SSH2: variants seen among roughly 807,000 people sequenced by gnomAD.
SSH2 encodes slingshot protein phosphatase 2, also known as protein phosphatase Slingshot homolog 2.
A neutral mutation model predicts 135.2 loss-of-function variants in SSH2; 37 were observed. The observed-to-expected ratio is 0.27, with a 90% confidence interval of 0.21 to 0.36. The LOEUF is 0.36. SSH2 is among the 10% of genes least tolerant of loss of function. The pLI, the probability that SSH2 is intolerant of heterozygous loss-of-function variation, is 1.00. For missense variants in SSH2, 1,408 were observed against 1,765.3 expected, an observed-to-expected ratio of 0.80 and a Z score of 3.63; for synonymous variants, 628 against 646.2, an observed-to-expected ratio of 0.97 and a Z score of 0.43.
chr17:29,640,976 G>T lies in SSH2; in HGVS notation c.1428-4174C>A, dbSNP rs374097336. Among the ~76,000 whole-genome samples the T allele has an allele frequency of 4.6e-5, 7 of 152,110 alleles. No individual in the cohort carries two copies. The East Asian group carries it at 1.2e-3, about 25-fold the overall frequency. ...AAAGGTAATCCACAGAGTGTAATGA[G>T]TATGCCACAATTTATTTCCCTTCTG... On this transcript the variant is annotated intron_variant, in intron 14 of 15. Coordinates refer to ENST00000540801, the MANE Select transcript of SSH2 (RefSeq NM_001282129.2).
chr17:29,706,344 T>C (rs2039197917), intron 3 of SSH2, among the ~76,000 whole-genome samples: 1 of 152,092 alleles, frequency 6.6e-6, no homozygotes, highest in African/African-American at 2.4e-5. Flanking sequence ...AAACACACCT[T>C]CTAAAAACAA....
At chr17:29,863,742 C>CT (rs11431276) in intron 1 of SSH2, 140,592 of 152,236 alleles carry the variant, frequency 0.92, 65,031 homozygotes, top group African/African-American at 0.98. Flanking sequence ...TATTCTGGTA[C>CT]TTCAAAAGAA....
intron 13 of SSH2, 30 bp from the exon 14 acceptor site, chr17:29,648,374 A>T (rs2099343770): frequency 6.4e-7 from 1 of 1,551,512 alleles, no homozygotes; most frequent in African/African-American, 1.4e-5. Context: ...TAAAGAATAG[A>T]GGAAAATACA....
Position 29,636,718 on chromosome 17 carries a change from T to C in SSH2, c.1512A>G (p.Leu504=). Residue 504 remains leucine (L), a synonymous_variant, in exon 15 of 16, where the codon CTA becomes CTG. Coordinates refer to ENST00000540801, the MANE Select transcript of SSH2 (RefSeq NM_001282129.2). ...TGGTGATATCCTTCTTGTTGAGTTCTAGCCCAGGTTTGCAGATGGGTTCGT... is the reference window on the plus strand; with the variant it reads ...TGGTGATATCCTTCTTGTTGAGTTCCAGCCCAGGTTTGCAGATGGGTTCGT... The part of the protein sequence containing the change: ...DHHEPICKPG[L]ELNKKDITTS... The C allele has an allele frequency of 3.7e-6, 6 of 1,614,184 alleles. No homozygotes were observed. The highest frequency in any genetic ancestry group is 1.3e-5 in the African/African-American group (1 of 75,038).
chr17:29,741,484 T>C (rs1376421261), intron 3 of SSH2, among the ~76,000 whole-genome samples: 3 of 152,128 alleles, frequency 2.0e-5, no homozygotes, highest in East Asian at 1.9e-4. Context: ...ATCAGTCTTA[T>C]GGAAAACAAA....
chr17:29,662,031 C>A (rs922086009), intron 11 of SSH2, among the ~76,000 whole-genome samples: 5 of 152,292 alleles, frequency 3.3e-5, no homozygotes, highest in African/African-American at 9.6e-5. Context: ...ATTTCCCCCC[C>A]GCCCATGCTT....
chr17:29,713,695 A>G (rs2039520936), intron 3 of SSH2, among the ~76,000 whole-genome samples: 1 of 152,170 alleles, frequency 6.6e-6, no homozygotes, highest in Non-Finnish European at 1.5e-5. Context: ...TCTTGGACTT[A>G]TACCAAGCAG....
chr17:29,829,717 A>C (rs1019301161), intron 2 of SSH2, among the ~76,000 whole-genome samples: 1 of 152,110 alleles, frequency 6.6e-6, no homozygotes, highest in Non-Finnish European at 1.5e-5. Context: ...AGTTGTGCTC[A>C]TATAGAAGCC....
chr17:29,742,551 C>G (rs369241554), intron 3 of SSH2, among the ~76,000 whole-genome samples: 1 of 129,836 alleles, frequency 7.7e-6, no homozygotes, highest in Non-Finnish European at 1.6e-5. Flanking sequence ...CCAGGCTGGT[C>G]TTGAACTCTT....
chr17:29,762,188 T>A (rs886769212), intron 3 of SSH2, among the ~76,000 whole-genome samples: 1 of 152,132 alleles, frequency 6.6e-6, no homozygotes, highest in Non-Finnish European at 1.5e-5. Flanking sequence ...GCAAGATTTT[T>A]TTTTTTTAAA....
At chr17:29,720,757 G>A (rs2039796053) in intron 3 of SSH2, among the ~76,000 whole-genome samples, 1 of 151,938 alleles carries the variant, frequency 6.6e-6, no homozygotes, top group Non-Finnish European at 1.5e-5. Flanking sequence ...GATGGAGGAG[G>A]AGGAACAGGA....
At chr17:29,690,723 A>G (rs2038432171) in intron 5 of SSH2, among the ~76,000 whole-genome samples, 1 of 152,188 alleles carries the variant, frequency 6.6e-6, no homozygotes, top group Non-Finnish European at 1.5e-5. Context: ...GAAGTCTCTG[A>G]ATTTTTTTTT....
intron 3 of SSH2, among the ~76,000 whole-genome samples, chr17:29,757,267 T>C (rs2041158680): frequency 2.6e-5 from 4 of 152,202 alleles, no homozygotes; most frequent in Admixed American, 1.3e-4. Context: ...TTAATCTTTT[T>C]TGAGATCACA....
intron 1 of SSH2, among the ~76,000 whole-genome samples, chr17:29,884,603 C>T (rs1446198776): frequency 1.3e-5 from 2 of 152,136 alleles, no homozygotes; most frequent in Non-Finnish European, 1.5e-5. Context: ...TCAGCTGGTC[C>T]GCAACTGAAC....
chr17:29,790,010 A>G (rs1199718466), intron 3 of SSH2, among the ~76,000 whole-genome samples: 3 of 152,156 alleles, frequency 2.0e-5, no homozygotes, highest in Non-Finnish European at 2.9e-5. Context: ...TCTTACTTGT[A>G]TCTGATTTAG....
Position 29,631,899 on chromosome 17 carries a change from G to T in SSH2, c.3295C>A (p.His1099Asn). ...TGAGGCAGAGGTAGCACTTGGGGGT[G>T]CAGAGAAACCTGGTTGGGGTCCAGA... ...RTLDPNQVSLHPQVLPLPHSS... is the reference protein window; with the variant it reads ...RTLDPNQVSLNPQVLPLPHSS... Residue 1099 changes from histidine to asparagine, a missense_variant, in exon 16 of 16, where the codon CAC becomes AAC. His to Asn is a moderately conservative substitution (Grantham distance 68, BLOSUM62 1). Around this residue, in one of 3 missense-constraint regions of SSH2, gnomAD observed 1,080 missense variants for 1,144.5 expected, o/e 0.94. Transcript: ENST00000540801. The T allele has an allele frequency of 1.2e-6, 2 of 1,614,228 alleles. No homozygotes were observed. The highest frequency in any genetic ancestry group is 1.1e-5 in the South Asian group (1 of 91,088).
Position 29,929,944 on chromosome 17 carries a change from G to A in SSH2, c.57C>T (p.Cys19=), listed in dbSNP as rs766328918. 1.9e-6 allele frequency: 3 copies of A among 1,600,702 alleles called. No individual in the cohort carries two copies. Among genetic ancestry groups the A allele is most frequent in the Non-Finnish European group, 2.6e-6 (3 of 1,174,218 alleles). Residue 19 remains cysteine (C), a synonymous_variant, in exon 1 of 16, where the codon TGC becomes TGT. Transcript: ENST00000540801. ...GCCGCCAGGAAGGACTCACCGAGGC[G>A]CAGGGGCTGGAGGTGGTGCTGGGGG... ...SPTPSTTSSP[C]ASSSHLEDSE...
Position 29,631,329 on chromosome 17 carries a change from T to C in SSH2, c.3865A>G (p.Lys1289Glu). 3.1e-6 allele frequency: 5 copies of C among 1,614,146 alleles called. No homozygotes were observed. Among genetic ancestry groups the C allele is most frequent in the Non-Finnish European group, 4.2e-6 (5 of 1,180,026 alleles). The change falls in exon 16 of 16, where the codon AAA becomes GAA. Residue 1289 changes from lysine (K) to glutamate (E), a missense_variant. By Grantham distance (56) the Lys-to-Glu change is moderately conservative. Transcript: ENST00000540801. ...TTACAGAGGTCCAAGTAACCTAATT[T>C]GGCGAGAGAAGCTGAGCGCCTCATT... ...SQMRRSASLAKLGYLDLCKDC... is the reference protein window; with the variant it reads ...SQMRRSASLAELGYLDLCKDC...
chr17:29,665,199 A>G (rs1001337322), intron 11 of SSH2, among the ~76,000 whole-genome samples: 1 of 152,222 alleles, frequency 6.6e-6, no homozygotes, highest in East Asian at 1.9e-4. Flanking sequence ...TTGTGGAAGT[A>G]TATGTAAGAG....
Sources: allele counts gnomAD v4.1 joint callset (sites outside exome capture counted in the v4.1 genomes callset), GRCh38; gene constraint gnomAD v4.1.1; regional missense constraint gnomAD v4.1.1; transcripts MANE v1.5; gene names NCBI Gene and HGNC (gene_info 2026-07-23, HGNC 2026-07-21).